DCAF8L2: variants seen among roughly 807,000 people sequenced by gnomAD.
DCAF8L2 encodes DDB1- and CUL4-associated factor 8-like protein 2.
For synonymous variants in DCAF8L2, 200 were observed against 190.9 expected, an observed-to-expected ratio of 1.05 and a Z score of -0.39; for missense variants, 430 against 490.7, an observed-to-expected ratio of 0.88 and a Z score of 1.17.
intron 1 of DCAF8L2, among the ~76,000 whole-genome samples, chrX:27,593,335 G>C (rs933230249): frequency 2.7e-5 from 3 of 112,262 alleles, no homozygotes; most frequent in Non-Finnish European, 5.6e-5. Flanking sequence ...CTGTCCCTTT[G>C]TGACTTGCTT....
chrX:27,683,424 C>G (rs1341851999), intron 3 of DCAF8L2, among the ~76,000 whole-genome samples: 3 of 112,380 alleles, frequency 2.7e-5, no homozygotes. Context: ...AATTAGGCTT[C>G]TATACACTTC....
chrX:27,483,902 T>C, the DCAF8L2 span, among the ~76,000 whole-genome samples: 1 of 111,210 alleles, frequency 9.0e-6, no homozygotes, highest in Admixed American at 9.7e-5. Flanking sequence ...AGCTCTGTTG[T>C]TGAATACTCC....
intron 4 of DCAF8L2, among the ~76,000 whole-genome samples, chrX:27,736,253 C>T (rs991337438): frequency 8.1e-5 from 9 of 111,525 alleles, no homozygotes; most frequent in Non-Finnish European, 1.9e-5. Flanking sequence ...TGACATTTCC[C>T]GGCAGTCAAC....
the DCAF8L2 span, among the ~76,000 whole-genome samples, chrX:27,511,417 G>A: frequency 9.0e-6 from 1 of 111,173 alleles, no homozygotes; most frequent in African/African-American, 3.3e-5. Flanking sequence ...AAGCATTAGA[G>A]GAACAGAACA....
At chrX:27,598,974 A>ATATATATAT (rs56388041) in intron 1 of DCAF8L2, among the ~76,000 whole-genome samples, 4 of 92,212 alleles carry the variant, frequency 4.3e-5, no homozygotes, top group African/African-American at 1.7e-4. Context: ...AAAAAAAAAA[A>ATATATATAT]ATATATATAT....
chrX:27,473,716 T>G, the DCAF8L2 span, among the ~76,000 whole-genome samples: 1 of 111,077 alleles, frequency 9.0e-6, no homozygotes, highest in Non-Finnish European at 1.9e-5. Context: ...ATCATTCTAA[T>G]ATACAGTAAT....
the DCAF8L2 span, among the ~76,000 whole-genome samples, chrX:27,521,692 T>TG: frequency 1.8e-5 from 2 of 112,143 alleles, no homozygotes; most frequent in South Asian, 7.3e-4. Context: ...AATGAAAAAC[T>TG]AATGTCTTAT....
intron 3 of DCAF8L2, among the ~76,000 whole-genome samples, chrX:27,681,028 G>A (rs1224711977): frequency 9.0e-6 from 1 of 111,501 alleles, no homozygotes. Context: ...TCTAGCCAAC[G>A]ATTACTGAAC....
intron 2 of DCAF8L2, among the ~76,000 whole-genome samples, chrX:27,660,904 T>G (rs1489542474): frequency 2.7e-5 from 3 of 112,106 alleles, no homozygotes; most frequent in African/African-American, 9.7e-5. Context: ...GACAGCAGTA[T>G]TATTGATTCC....
At chrX:27,527,748 T>A in the DCAF8L2 span, among the ~76,000 whole-genome samples, 1 of 108,830 alleles carries the variant, frequency 9.2e-6, no homozygotes, top group African/African-American at 3.3e-5. Context: ...GCCTCCTGGG[T>A]TCAAGCAATT....
At chrX:27,572,638 C>T in the DCAF8L2 span, among the ~76,000 whole-genome samples, 1 of 111,943 alleles carries the variant, frequency 8.9e-6, no homozygotes, top group Admixed American at 9.5e-5. Context: ...GGTTGTCGGA[C>T]ATGTGCAGGA....
chrX:27,686,829 C>G (rs2147248163), intron 3 of DCAF8L2, among the ~76,000 whole-genome samples: 1 of 112,287 alleles, frequency 8.9e-6, no homozygotes, highest in South Asian at 3.7e-4. Context: ...TTTCTACGGA[C>G]TGGGTAGAGG....
At chrX:27,513,993 C>G in the DCAF8L2 span, among the ~76,000 whole-genome samples, 1 of 111,987 alleles carries the variant, frequency 8.9e-6, no homozygotes, top group African/African-American at 3.2e-5. Flanking sequence ...ATCCAGGAAT[C>G]CCACTACTGG....
chrX:27,533,179 A>AG, the DCAF8L2 span, among the ~76,000 whole-genome samples: 888 of 18,710 alleles, frequency 0.047, 36 homozygotes, highest in East Asian at 0.2. Flanking sequence ...AGAAAGAAAG[A>AG]AAGAAAGAAA....
chrX:27,690,765 T>C (rs1190184237), intron 3 of DCAF8L2, among the ~76,000 whole-genome samples: 2 of 111,874 alleles, frequency 1.8e-5, no homozygotes, highest in Non-Finnish European at 3.8e-5. Flanking sequence ...TGAGTTTTGC[T>C]CTTTTTCTCT....
intron 2 of DCAF8L2, among the ~76,000 whole-genome samples, chrX:27,638,933 A>G (rs1928600297): frequency 9.0e-6 from 1 of 111,658 alleles, no homozygotes; most frequent in Admixed American, 9.6e-5. Context: ...GGTGCTGCTA[A>G]TGGTGGTCTG....
At chrX:27,544,159 A>G in the DCAF8L2 span, among the ~76,000 whole-genome samples, 7 of 111,171 alleles carry the variant, frequency 6.3e-5, no homozygotes, top group South Asian at 7.6e-4. Context: ...TCACAAGACC[A>G]CCTTTGCTTG....
At chrX:27,647,154 C>T (rs1247455421) in intron 2 of DCAF8L2, among the ~76,000 whole-genome samples, 1 of 111,944 alleles carries the variant, frequency 8.9e-6, no homozygotes, top group Non-Finnish European at 1.9e-5. Flanking sequence ...CACATGGAAT[C>T]AACCTAAATG....
the DCAF8L2 span, among the ~76,000 whole-genome samples, chrX:27,507,900 T>G: frequency 3.6e-5 from 4 of 111,537 alleles, no homozygotes; most frequent in South Asian, 1.5e-3. Context: ...ACAGTGTATA[T>G]CCTTAATAGA....
Sources: allele counts gnomAD v4.1 joint callset (sites outside exome capture counted in the v4.1 genomes callset), GRCh38; gene constraint gnomAD v4.1.1; transcripts MANE v1.5; gene names NCBI Gene and HGNC (gene_info 2026-07-23, HGNC 2026-07-21).